CCR9: variants seen among roughly 807,000 people sequenced by gnomAD.
The protein encoded by CCR9 is C-C chemokine receptor type 9.
A neutral mutation model predicts 8.7 loss-of-function variants in CCR9; 4 were observed. The ratio of observed to expected loss-of-function variants is 0.46; its 90% CI spans 0.23 to 1.06. CCR9 has a LOEUF of 1.06. Among genes scored for constraint, CCR9 ranks in the 50% least tolerant of loss-of-function variants. CCR9 has a pLI of 0.21. For missense variants in CCR9, 394 were observed against 453.6 expected (o/e 0.87, Z 1.19); for synonymous variants, 159 against 168.8 (o/e 0.94, Z 0.45).
intron 2 of CCR9, among the ~76,000 whole-genome samples, chr3:45,897,928 C>T (rs1206127953): frequency 1.4e-5 from 2 of 143,836 alleles, no homozygotes; most frequent in Non-Finnish European, 3.0e-5. Flanking sequence ...ATTTGCTTCA[C>T]AGCCGTGGGC....
At chr3:45,890,998 A>C (rs1702162812) in intron 1 of CCR9, among the ~76,000 whole-genome samples, 1 of 152,234 alleles carries the variant, frequency 6.6e-6, no homozygotes, top group Non-Finnish European at 1.5e-5. Flanking sequence ...AGAAAGTTAA[A>C]AGTGGTTATT....
In CCR9 at chr3:45,900,789, C is replaced by T. The variant is rs749672283; in HGVS notation, c.22-21C>T. ...TCAAAATATTTTCCTTGACCTAATG[C>T]CATCTTGTGTCCCCTTGCAGAGCCC... On this transcript the variant is annotated intron_variant, in intron 2 of 2. Transcript: ENST00000357632. The surrounding 1 kb of genome is among the most constrained non-coding windows in gnomAD (Gnocchi z 4.7). The T allele has an allele frequency of 3.3e-5, 53 of 1,592,928 alleles. No homozygotes were observed. Among genetic ancestry groups the T allele is most frequent in the Non-Finnish European group, 4.5e-5 (53 of 1,167,886 alleles).
intron 1 of CCR9, among the ~76,000 whole-genome samples, chr3:45,891,471 T>A (rs1005004059): frequency 6.6e-6 from 1 of 152,212 alleles, no homozygotes; most frequent in Non-Finnish European, 1.5e-5. Context: ...ATTTTTTGCA[T>A]TTTTTGCTTA....
At chr3:45,897,575 C>G in intron 2 of CCR9, 1 of 1,535,636 alleles carries the variant, frequency 6.5e-7, no homozygotes, top group Non-Finnish European at 8.7e-7. Flanking sequence ...CTCCAGGCCC[C>G]GCTCCAGATC....
intron 2 of CCR9, among the ~76,000 whole-genome samples, chr3:45,899,454 A>G (rs1026208442): frequency 1.1e-4 from 17 of 152,244 alleles, no homozygotes; most frequent in Non-Finnish European, 4.4e-5. Flanking sequence ...TTGTACTTAT[A>G]TATTTGTTAA....
intron 2 of CCR9, 185 bp downstream of exon 2, chr3:45,895,139 A>G (rs1702311804): frequency 3.1e-6 from 2 of 644,802 alleles, no homozygotes; most frequent in Non-Finnish European, 5.5e-6. Context: ...TGCAAATGCA[A>G]AGAGGCAGCT....
At chr3:45,897,247 G>C (rs905565854) in intron 2 of CCR9, among the ~76,000 whole-genome samples, 2 of 152,186 alleles carry the variant, frequency 1.3e-5, no homozygotes, top group African/African-American at 4.8e-5. Flanking sequence ...AGGGGGTGTT[G>C]TTCCAGGATT....
chr3:45,894,614 A>T (rs2125749849), intron 1 of CCR9, among the ~76,000 whole-genome samples: 1 of 152,328 alleles, frequency 6.6e-6, no homozygotes, highest in South Asian at 2.1e-4. Context: ...TCATTTGTGG[A>T]TGGGAGATGT....
intron 1 of CCR9, among the ~76,000 whole-genome samples, chr3:45,888,934 T>C (rs908212373): frequency 6.6e-6 from 1 of 152,238 alleles, no homozygotes; most frequent in South Asian, 2.1e-4. Context: ...TTTTATAAAC[T>C]GTAATATATT....
rs1282164277 is a variant in CCR9 at position 45,901,724 on chromosome 3, GA to G, written c.938del (p.Asn313ThrfsTer17). On this transcript the variant is annotated frameshift_variant, in exon 3 of 3. Coordinates refer to ENST00000357632, the MANE Select transcript of CCR9 (RefSeq NM_031200.3). LOFTEE classifies it high-confidence loss of function. The surrounding 1 kb of genome is among the most constrained non-coding windows in gnomAD (Gnocchi z 4.3). Reference sequence around the variant, plus strand: ...CCATCGCCTTCTTCCACAGTTGCCTGAACCCTGTTCTCTATGTTTTTGTGGG... The same window carrying G: ...CCATCGCCTTCTTCCACAGTTGCCTGACCCTGTTCTCTATGTTTTTGTGGG... ...QTIAFFHSCL[N>X]PVLYVFVGER... 1 of 1,614,162 alleles carries G rather than the reference GA, an allele frequency of 6.2e-7. No homozygotes were observed. Among genetic ancestry groups the G allele is most frequent in the South Asian group, 1.1e-5 (1 of 91,082 alleles).
Position 45,901,241 on chromosome 3 carries a change from C to T in CCR9, c.453C>T (p.Ala151=). 1 of 1,614,136 alleles carries T rather than the reference C, an allele frequency of 6.2e-7. No homozygotes were observed. The highest frequency in any genetic ancestry group is 8.5e-7 in the Non-Finnish European group (1 of 1,180,006). The change falls in exon 3 of 3, where the codon GCC becomes GCT. Residue 151 remains alanine (A), a synonymous_variant. Coordinates refer to ENST00000357632, the MANE Select transcript of CCR9 (RefSeq NM_031200.3). This position sits in a 1 kb window ranked among gnomAD's most constrained non-coding sequence, Gnocchi z 4.3. ...SVDRYIAIAQ[A]MRAHTWREKR... is the part of the protein sequence containing the mutation. ...ACAGGTACATTGCCATTGCCCAGGC[C>T]ATGAGAGCACATACTTGGAGGGAGA...
intron 1 of CCR9, among the ~76,000 whole-genome samples, chr3:45,891,789 T>G: frequency 6.6e-6 from 1 of 152,174 alleles, no homozygotes; most frequent in East Asian, 1.9e-4. Flanking sequence ...GTTTCTCAGT[T>G]TTTCTTTGTC....
Position 45,900,874 on chromosome 3 carries a change from TTAAC to T in CCR9, c.88_91del (p.Asn30SerfsTer49). On this transcript the variant is annotated frameshift_variant, in exon 3 of 3. Coordinates refer to ENST00000357632, the MANE Select transcript of CCR9 (RefSeq NM_031200.3). LOFTEE classifies it low-confidence loss of function (END_TRUNC). This position sits in a 1 kb window ranked among gnomAD's most constrained non-coding sequence, Gnocchi z 4.7. ...TCCACATCTTCCATGGAAGACTACGTTAACTTCAACTTCACTGACTTCTACTGTG... is the reference window on the plus strand; with the variant it reads ...TCCACATCTTCCATGGAAGACTACGTTTCAACTTCACTGACTTCTACTGTG... The T allele has an allele frequency of 6.2e-7, 1 of 1,614,196 alleles. No individual in the cohort carries two copies. Among genetic ancestry groups the T allele is most frequent in the Non-Finnish European group, 8.5e-7 (1 of 1,180,014 alleles).
At position 45,901,946 on chromosome 3, in the gene CCR9, CA is replaced by C. The variant is rs1450159244; in HGVS notation, c.*49del. On this transcript the variant is annotated 3_prime_UTR_variant, in exon 3 of 3. Transcript: ENST00000357632. This position sits in a 1 kb window ranked among gnomAD's most constrained non-coding sequence, Gnocchi z 4.3. Reference sequence around the variant, plus strand: ...GTTCTTTTGGAAGAAATGAGAAATACAGAAACAGTTTCCCCACTGATGGGAC... The same window carrying C: ...GTTCTTTTGGAAGAAATGAGAAATACGAAACAGTTTCCCCACTGATGGGAC... 2 of 1,478,180 alleles carry C rather than the reference CA, an allele frequency of 1.4e-6. No homozygotes were observed. The highest frequency in any genetic ancestry group is 1.8e-6 in the Non-Finnish European group (2 of 1,096,578). 91.6% of individuals were successfully genotyped at this position (1,478,180 alleles called of 1,614,324 possible). A position where few individuals can be genotyped will look rare whatever the true frequency, so the allele number is the denominator to read the frequency against.
intron 2 of CCR9, chr3:45,897,432 G>A: frequency 1.4e-6 from 1 of 695,160 alleles, no homozygotes; most frequent in Non-Finnish European, 2.6e-6. Context: ...GCTTCCAGCA[G>A]GACACAATGT....
chr3:45,897,504 G>C, intron 2 of CCR9: 2 of 1,143,622 alleles, frequency 1.7e-6, no homozygotes, highest in Non-Finnish European at 2.5e-6. Context: ...AGTGGAGAAA[G>C]CTGGGTCACC....
At chr3:45,890,993 G>T (rs1702162692) in intron 1 of CCR9, among the ~76,000 whole-genome samples, 2 of 152,216 alleles carry the variant, frequency 1.3e-5, no homozygotes, top group African/African-American at 2.4e-5. Context: ...ACAACAGAAA[G>T]TTAAAAGTGG....
In CCR9 at chr3:45,901,583, G is replaced by C; in HGVS notation, c.795G>C (p.Leu265Phe). 1 of 1,614,204 alleles carries C rather than the reference G, an allele frequency of 6.2e-7. No individual in the cohort carries two copies. The highest frequency in any genetic ancestry group is 8.5e-7 in the Non-Finnish European group (1 of 1,180,024). ...TCACTGTCCTGACCGTCTTTGTCTT[G>C]TCTCAGTTTCCCTACAACTGCATTT... ...VTITVLTVFVLSQFPYNCILL... is the reference protein window; with the variant it reads ...VTITVLTVFVFSQFPYNCILL... Residue 265 changes from leucine (L) to phenylalanine (F), a missense_variant, in exon 3 of 3, where the codon TTG becomes TTC. Leu to Phe is a conservative substitution (Grantham distance 22). Coordinates refer to ENST00000357632, the MANE Select transcript of CCR9 (RefSeq NM_031200.3). The surrounding 1 kb of genome is among the most constrained non-coding windows in gnomAD (Gnocchi z 4.3).
chr3:45,898,067 T>C (rs561605330), intron 2 of CCR9, among the ~76,000 whole-genome samples: 1 of 152,174 alleles, frequency 6.6e-6, no homozygotes, highest in South Asian at 2.1e-4. Flanking sequence ...ACTTATTCAT[T>C]GTGTGGATTC....
Sources: gnomAD v4.1 joint callset for allele counts (sites outside exome capture counted in the v4.1 genomes callset) on GRCh38, gnomAD v4.1.1 for gene constraint, Gnocchi (gnomAD v3.1) non-coding constraint, MANE v1.5 for transcripts, NCBI Gene and HGNC (gene_info 2026-07-23, HGNC 2026-07-21) for gene names.